Variants in RBFOX1 observed in about 807,000 individuals in gnomAD.
RBFOX1 encodes the protein RNA binding protein fox-1 homolog 1.
In RBFOX1, 8 loss-of-function variants were observed where a neutral mutation model predicts 57.7. The ratio of observed to expected loss-of-function variants is 0.14; its 90% CI spans 0.08 to 0.25. RBFOX1 has a LOEUF of 0.25. RBFOX1 is among the 10% of genes least tolerant of loss of function. The pLI is 1.00. For synonymous variants in RBFOX1, 326 were observed against 222.4 expected (o/e 1.47, Z -4.15); for missense variants, 611 against 548.5 (o/e 1.11, Z -1.14).
chr16:7,154,011 C>A (rs1054521862), intron 4 of RBFOX1, among the ~76,000 whole-genome samples: 1 of 152,070 alleles, frequency 6.6e-6, no homozygotes, highest in African/African-American at 2.4e-5. Flanking sequence ...TCAATTTATC[C>A]ATCATCATTA....
At chr16:6,747,007 C>T (rs1382271986) in intron 3 of RBFOX1, among the ~76,000 whole-genome samples, 7 of 152,122 alleles carry the variant, frequency 4.6e-5, no homozygotes, top group Admixed American at 4.6e-4. Flanking sequence ...ATCCCCTCAC[C>T]ACAGATTATT....
chr16:7,668,920 T>C lies in RBFOX1; in HGVS notation c.930+3952T>C, dbSNP rs372522521. Among the ~76,000 whole-genome samples the C allele has an allele frequency of 2.6e-4, 39 of 152,324 alleles. No individual in the cohort carries two copies. The South Asian group carries it at 5.0e-3, about 19-fold the overall frequency. On this transcript the variant is annotated intron_variant, in intron 13 of 15. Transcript: ENST00000550418. ...TTGGAAGTGAAGCTATAGATGTTTT[T>C]TGAGGTGGAATCTCGCTCTGTCGCC... is the stretch of plus-strand genomic sequence containing the variant.
intron 2 of RBFOX1, among the ~76,000 whole-genome samples, chr16:5,540,769 A>T (rs2044904253): frequency 6.6e-6 from 1 of 152,198 alleles, no homozygotes; most frequent in Non-Finnish European, 1.5e-5. Flanking sequence ...GCAGCGTCAG[A>T]ATCACCTGGA....
intron 4 of RBFOX1, among the ~76,000 whole-genome samples, chr16:7,265,948 G>C (rs1016074752): frequency 7.0e-6 from 1 of 142,286 alleles, no homozygotes; most frequent in South Asian, 2.3e-4. Context: ...TGAGTTATGA[G>C]ATCTGGTGGG....
At chr16:6,872,880 A>T (rs1370128503) in intron 3 of RBFOX1, among the ~76,000 whole-genome samples, 2 of 152,208 alleles carry the variant, frequency 1.3e-5, no homozygotes, top group Non-Finnish European at 2.9e-5. Context: ...CATGTTCCAT[A>T]AAAATTGTGC....
chr16:6,698,012 C>G (rs1175044487), intron 3 of RBFOX1, among the ~76,000 whole-genome samples: 1 of 152,142 alleles, frequency 6.6e-6, no homozygotes, highest in Non-Finnish European at 1.5e-5. Context: ...ACTTATTATC[C>G]TCCTCAGTAA....
chr16:5,672,364 C>G (rs979779264), intron 3 of RBFOX1, among the ~76,000 whole-genome samples: 3 of 152,132 alleles, frequency 2.0e-5, no homozygotes, highest in African/African-American at 7.2e-5. Flanking sequence ...GGTGCTGTCT[C>G]TAGTGCTTCC....
chr16:7,385,834 A>T (rs1309553510), intron 4 of RBFOX1, among the ~76,000 whole-genome samples: 4 of 151,646 alleles, frequency 2.6e-5, no homozygotes, highest in African/African-American at 9.7e-5. Flanking sequence ...GCTCACTGCA[A>T]CCTCCGCCTC....
chr16:6,697,787 C>T (rs1004501892), intron 3 of RBFOX1, among the ~76,000 whole-genome samples: 2 of 152,156 alleles, frequency 1.3e-5, no homozygotes, highest in African/African-American at 4.8e-5. Context: ...ACAGAAGACC[C>T]AACCTTGGTA....
chr16:7,283,762 CA>C (rs1568027249), intron 4 of RBFOX1, among the ~76,000 whole-genome samples: 3 of 152,160 alleles, frequency 2.0e-5, no homozygotes, highest in Non-Finnish European at 4.4e-5. Context: ...ATCATGTCAT[CA>C]GATCATTGCA....
At chr16:6,488,789 A>G (rs542435484) in intron 2 of RBFOX1, among the ~76,000 whole-genome samples, 2 of 152,148 alleles carry the variant, frequency 1.3e-5, no homozygotes, top group Non-Finnish European at 2.9e-5. Context: ...TCTTTGCGAG[A>G]GGATGACTCC....
chr16:6,757,389 C>T (rs1462735119), intron 3 of RBFOX1, among the ~76,000 whole-genome samples: 1 of 152,144 alleles, frequency 6.6e-6, no homozygotes, highest in African/African-American at 2.4e-5. Flanking sequence ...GATATAAAAT[C>T]AACCTAAGTA....
chr16:5,454,954 CCTTCCTTTCTTTCTTT>C (rs1211476960), intron 1 of RBFOX1, among the ~76,000 whole-genome samples: 94 of 40,416 alleles, frequency 2.3e-3, no homozygotes, highest in African/African-American at 7.9e-3. Context: ...TTCCTTCCTT[CCTTCCTTTCTTTCTTT>C]CTTTCTTTCT....
intron 4 of RBFOX1, among the ~76,000 whole-genome samples, chr16:7,191,273 G>T (rs576039110): frequency 1.3e-5 from 2 of 151,708 alleles, no homozygotes; most frequent in Non-Finnish European, 2.9e-5. Context: ...TCCAGTCATG[G>T]CACATCAGAA....
intron 3 of RBFOX1, among the ~76,000 whole-genome samples, chr16:7,019,041 T>G (rs1206285102): frequency 6.6e-6 from 1 of 152,070 alleles, no homozygotes; most frequent in Admixed American, 6.6e-5. Flanking sequence ...AAAAAACTGT[T>G]CCTGGTTTCC....
chr16:7,434,445 C>A (rs971517268), intron 4 of RBFOX1, among the ~76,000 whole-genome samples: 3 of 151,560 alleles, frequency 2.0e-5, no homozygotes, highest in African/African-American at 7.3e-5. Context: ...GCACTCCAGC[C>A]CGGGCGACAG....
chr16:5,257,702 G>A (rs547553978), intron 1 of RBFOX1, among the ~76,000 whole-genome samples: 1 of 152,252 alleles, frequency 6.6e-6, no homozygotes, highest in African/African-American at 2.4e-5. Flanking sequence ...AAGGCGCATG[G>A]GTCGACTGAG....
intron 4 of RBFOX1, among the ~76,000 whole-genome samples, chr16:5,940,272 C>G (rs1030994133): frequency 6.6e-6 from 1 of 152,214 alleles, no homozygotes; most frequent in Non-Finnish European, 1.5e-5. Context: ...GCATCTTCCA[C>G]CTAAGTTAAA....
At chr16:6,398,811 T>C (rs1050541942) in intron 2 of RBFOX1, among the ~76,000 whole-genome samples, 2 of 152,202 alleles carry the variant, frequency 1.3e-5, no homozygotes, top group African/African-American at 4.8e-5. Context: ...AGATCTACCA[T>C]GCTACCATTC....
Sources: allele counts gnomAD v4.1 joint callset (sites outside exome capture counted in the v4.1 genomes callset), GRCh38; gene constraint gnomAD v4.1.1; transcripts MANE v1.5; gene names NCBI Gene and HGNC (gene_info 2026-07-23, HGNC 2026-07-21).